CMTM8: variants seen among roughly 807,000 people sequenced by gnomAD.
CMTM8 encodes CKLF like MARVEL transmembrane domain containing 8, also known as CKLF-like MARVEL transmembrane domain-containing protein 8.
A neutral mutation model predicts 18.6 loss-of-function variants in CMTM8; 12 were observed. The observed-to-expected ratio is 0.65, with a 90% CI of 0.41 to 1.05. CMTM8 has a LOEUF of 1.05. Among genes scored for constraint, CMTM8 ranks in the 50% least tolerant of loss-of-function variants. The pLI, the probability that CMTM8 is intolerant of heterozygous loss-of-function variation, is 0.00. For missense variants in CMTM8, 217 were observed against 227.2 expected, an observed-to-expected ratio of 0.95 and a Z score of 0.29; for synonymous variants, 87 against 90.6, an observed-to-expected ratio of 0.96 and a Z score of 0.23.
intron 1 of CMTM8, among the ~76,000 whole-genome samples, chr3:32,303,211 TG>T (rs1169292318): frequency 6.6e-6 from 1 of 152,248 alleles, no homozygotes; most frequent in Non-Finnish European, 1.5e-5. Flanking sequence ...TGCTGGGAAC[TG>T]TAGGCCTTTC....
intron 1 of CMTM8, among the ~76,000 whole-genome samples, chr3:32,262,312 G>A (rs1165039583): frequency 6.6e-6 from 1 of 152,218 alleles, no homozygotes; most frequent in African/African-American, 2.4e-5. Flanking sequence ...TTGGGCCATG[G>A]CATTGTCTTT....
chr3:32,248,617 G>A (rs2125529711), intron 1 of CMTM8, among the ~76,000 whole-genome samples: 1 of 151,928 alleles, frequency 6.6e-6, no homozygotes, highest in Admixed American at 6.5e-5. Flanking sequence ...ACCTGCCTCG[G>A]CCTCCCAAAG....
chr3:32,356,456 C>T (rs182482831), intron 1 of CMTM8, among the ~76,000 whole-genome samples: 29 of 152,318 alleles, frequency 1.9e-4, no homozygotes, highest in Admixed American at 1.6e-3. Flanking sequence ...GGTCAGTTTC[C>T]TTTTGCTTGA....
At chr3:32,279,865 G>A (rs957395908) in intron 1 of CMTM8, among the ~76,000 whole-genome samples, 39 of 143,700 alleles carry the variant, frequency 2.7e-4, no homozygotes, top group African/African-American at 8.6e-4. Flanking sequence ...TTTAATGATT[G>A]CCATTCTAAC....
chr3:32,332,451 G>T (rs770355413), intron 1 of CMTM8, among the ~76,000 whole-genome samples: 10 of 152,098 alleles, frequency 6.6e-5, no homozygotes, highest in Non-Finnish European at 8.8e-5. Flanking sequence ...CTGGGGAGTG[G>T]CAGAGAGGAG....
chr3:32,338,996 T>G (rs1696442573), intron 1 of CMTM8, among the ~76,000 whole-genome samples: 1 of 152,222 alleles, frequency 6.6e-6, no homozygotes, highest in Non-Finnish European at 1.5e-5. Flanking sequence ...ACTTCATTTC[T>G]GTTCCATGTT....
intron 1 of CMTM8, among the ~76,000 whole-genome samples, chr3:32,349,286 C>A (rs992916543): frequency 4.6e-5 from 7 of 152,094 alleles, no homozygotes; most frequent in South Asian, 4.2e-4. Flanking sequence ...TGAAGATTGA[C>A]CTGGCTGGGC....
chr3:32,277,965 G>A lies in CMTM8; in HGVS notation c.147+38846G>A, dbSNP rs1053107887. Among the ~76,000 whole-genome samples the A allele has an allele frequency of 2.6e-5, 4 of 152,324 alleles. No individual in the cohort carries two copies. In the East Asian group the frequency reaches 7.7e-4, roughly 29 times the overall value. ...AGTGGCTTAAACAAGGTGGAAACTTGTTTTTCTGTCATGACAGTCAAAGCA... is the reference window on the plus strand; with the variant it reads ...AGTGGCTTAAACAAGGTGGAAACTTATTTTTCTGTCATGACAGTCAAAGCA... On this transcript the variant is annotated intron_variant, in intron 1 of 3. Transcript: ENST00000307526.
chr3:32,270,397 G>A (rs1702419447), intron 1 of CMTM8, among the ~76,000 whole-genome samples: 1 of 152,238 alleles, frequency 6.6e-6, no homozygotes, highest in East Asian at 1.9e-4. Context: ...TATAAATCAT[G>A]CTACTATAAA....
At chr3:32,257,796 A>G (rs1702193571) in intron 1 of CMTM8, among the ~76,000 whole-genome samples, 1 of 152,136 alleles carries the variant, frequency 6.6e-6, no homozygotes, top group South Asian at 2.1e-4. Context: ...GTAATAGTAG[A>G]TGAGATGACT....
At chr3:32,263,499 A>G (rs1403206031) in intron 1 of CMTM8, among the ~76,000 whole-genome samples, 1 of 152,134 alleles carries the variant, frequency 6.6e-6, no homozygotes, top group Non-Finnish European at 1.5e-5. Flanking sequence ...AAAGATGGGG[A>G]AAAAAACGAG....
At chr3:32,334,507 G>C (rs573888144) in intron 1 of CMTM8, among the ~76,000 whole-genome samples, 240 of 151,788 alleles carry the variant, frequency 1.6e-3, no homozygotes, top group African/African-American at 4.9e-3. Context: ...TCGGGAGGCT[G>C]AGGCAAGAGA....
intron 1 of CMTM8, among the ~76,000 whole-genome samples, chr3:32,240,843 G>A (rs1338667280): frequency 3.3e-5 from 5 of 152,006 alleles, no homozygotes; most frequent in East Asian, 3.9e-4. Flanking sequence ...GCTGAGGTGC[G>A]GTGGCACCAT....
intron 1 of CMTM8, among the ~76,000 whole-genome samples, chr3:32,261,194 T>G (rs1702253561): frequency 6.6e-6 from 1 of 151,352 alleles, no homozygotes. Flanking sequence ...GAATAAAAAC[T>G]AAGAAAACAA....
At chr3:32,321,754 C>T (rs1030663222) in intron 1 of CMTM8, among the ~76,000 whole-genome samples, 1 of 152,124 alleles carries the variant, frequency 6.6e-6, no homozygotes, top group African/African-American at 2.4e-5. Context: ...CATGCCACCA[C>T]ACCTGGTAAT....
At chr3:32,273,361 TACAC>T (rs1023399185) in intron 1 of CMTM8, among the ~76,000 whole-genome samples, 3 of 152,096 alleles carry the variant, frequency 2.0e-5, no homozygotes, top group African/African-American at 7.2e-5. Flanking sequence ...TATATATACA[TACAC>T]ACACATGCTT....
chr3:32,304,116 A>G (rs1279945460), intron 1 of CMTM8, among the ~76,000 whole-genome samples: 3 of 152,230 alleles, frequency 2.0e-5, no homozygotes, highest in African/African-American at 7.2e-5. Flanking sequence ...CATTTGGGTA[A>G]GAATACAGCC....
intron 1 of CMTM8, among the ~76,000 whole-genome samples, chr3:32,295,481 A>C (rs1702861790): frequency 8.5e-6 from 1 of 117,930 alleles, no homozygotes; most frequent in Non-Finnish European, 1.6e-5. Context: ...AAAAAAAACA[A>C]AACAAAACAG....
chr3:32,339,537 T>G (rs1696452943), intron 1 of CMTM8, among the ~76,000 whole-genome samples: 1 of 152,122 alleles, frequency 6.6e-6, no homozygotes, highest in African/African-American at 2.4e-5. Context: ...CATTCCCAAT[T>G]AAAAACTATC....
Sources: allele counts gnomAD v4.1 joint callset (sites outside exome capture counted in the v4.1 genomes callset), GRCh38; gene constraint gnomAD v4.1.1; transcripts MANE v1.5; gene names NCBI Gene and HGNC (gene_info 2026-07-23, HGNC 2026-07-21).